Variants in NOX5 observed in about 807,000 individuals in gnomAD.
NOX5 encodes the protein NADPH oxidase, EF-hand calcium binding domain 5.
A neutral mutation model predicts 85.7 loss-of-function variants in NOX5; 76 were observed. The observed-to-expected ratio is 0.89, with a 90% CI of 0.74 to 1.07. The LOEUF (loss-of-function observed/expected upper bound fraction) is 1.07, where lower values mean the gene tolerates loss of function less well. Among genes scored for constraint, NOX5 ranks in the 50% least tolerant of loss-of-function variants. The pLI, the probability that NOX5 is intolerant of heterozygous loss-of-function variation, is 0.00. For synonymous variants in NOX5, 405 were observed against 401.4 expected, an observed-to-expected ratio of 1.01 and a Z score of -0.11; for missense variants, 973 against 999.5, an observed-to-expected ratio of 0.97 and a Z score of 0.36.
rs139472034 is a variant in NOX5 at position 69,037,087 on chromosome 15, G to A, written c.1248G>A (p.Gly416=). 1 of 1,613,970 alleles carries A rather than the reference G, an allele frequency of 6.2e-7. No homozygotes were observed. The highest frequency in any genetic ancestry group is 8.5e-7 in the Non-Finnish European group (1 of 1,180,018). The change falls in exon 8 of 16, where the codon GGG becomes GGA. Residue 416 remains glycine, a synonymous_variant. Transcript: ENST00000388866. The part of the protein sequence containing the change: ...LLVWLLLIFH[G]PNFWKWLLVP... ...TGTGGCTTCTGCTCATCTTTCATGG[G>A]CCCAACTTCTGGAAGTGGCTGCTGG...
Position 69,037,021 on chromosome 15 carries a change from C to T in NOX5, c.1189-7C>T. On this transcript the variant is annotated splice_polypyrimidine_tract_variant and splice_region_variant and intron_variant, in intron 7 of 15. Coordinates refer to ENST00000388866, the MANE Select transcript of NOX5 (RefSeq NM_024505.4). ...CTGGAAGTTGACTGCCCCCCCTACC[C>T]CCATAGGTGTTCTATTGGACTCACC... 1 of 1,613,062 alleles carries T rather than the reference C, an allele frequency of 6.2e-7. No homozygotes were observed. Among genetic ancestry groups the T allele is most frequent in the Non-Finnish European group, 8.5e-7 (1 of 1,179,746 alleles).
In NOX5 at chr15:69,033,220, C is replaced by T. The variant is rs770586168; in HGVS notation, c.798C>T (p.Ser266=). 5.0e-6 allele frequency: 8 copies of T among 1,597,628 alleles called. No individual in the cohort carries two copies. The highest frequency in any genetic ancestry group is 1.7e-5 in the Admixed American group (1 of 59,742). The change falls in exon 5 of 16, where the codon AGC becomes AGT. Residue 266 remains serine (S), a synonymous_variant. Transcript: ENST00000388866. ...AASAHRDLGA[S]VMVAKGCGQC... ...GCGCGCACCGGGACCTCGGCGCCAG[C>T]GTCATGGTGGCCAAGGGCTGCGGCC...
intron 9 of NOX5, among the ~76,000 whole-genome samples, chr15:69,042,093 C>T (rs1413176622): frequency 1.3e-5 from 2 of 150,850 alleles, no homozygotes; most frequent in Non-Finnish European, 3.0e-5. Context: ...AGGAAAAGGG[C>T]AAGAGTTCAA....
intron 14 of NOX5, among the ~76,000 whole-genome samples, chr15:69,053,472 G>A (rs2050774121): frequency 1.3e-5 from 2 of 152,148 alleles, no homozygotes; most frequent in South Asian, 4.1e-4. Context: ...TTTAATAAAA[G>A]TAGTAGTAGT....
intron 8 of NOX5, chr15:69,037,640 C>A: frequency 6.3e-6 from 1 of 159,134 alleles, no homozygotes; most frequent in Non-Finnish European, 1.4e-5. Context: ...GAAAAAGCTT[C>A]AGAATAAGGG....
At position 69,057,554 on chromosome 15, in the gene NOX5, G is replaced by A. The variant is rs187082002; in HGVS notation, c.*858G>A. On this transcript the variant is annotated 3_prime_UTR_variant, in exon 16 of 16. Transcript: ENST00000388866. Reference sequence around the variant, plus strand: ...CTTCCTTCTCTCTGTGTGCTGAGTCGCTTGAGAAACAGGATGGAGACAGCC... The same window carrying A: ...CTTCCTTCTCTCTGTGTGCTGAGTCACTTGAGAAACAGGATGGAGACAGCC... 1.2e-4 allele frequency: 18 copies of A among 152,234 alleles called. No individual in the cohort carries two copies. In the East Asian group the frequency reaches 1.9e-3, roughly 16 times the overall value. The allele number at this position is 152,234 out of a possible 1,614,324, so 9.4% of individuals were successfully genotyped here.
intron 1 of NOX5, among the ~76,000 whole-genome samples, 180 bp downstream of exon 1, chr15:69,014,965 T>C (rs1365920263): frequency 6.6e-6 from 1 of 152,218 alleles, no homozygotes; most frequent in Non-Finnish European, 1.5e-5. Context: ...ACCAGCCCTC[T>C]CTGGGTCTGT....
At chr15:69,047,341 G>A in intron 11 of NOX5, 72 bp from the exon 12 acceptor site, 1 of 1,486,828 alleles carries the variant, frequency 6.7e-7, no homozygotes, top group Non-Finnish European at 8.9e-7. Context: ...GAAGCCCTGG[G>A]GACATCCCCT....
chr15:69,037,014 C>A lies in NOX5; in HGVS notation c.1189-14C>A. On this transcript the variant is annotated splice_polypyrimidine_tract_variant and intron_variant, in intron 7 of 15. Transcript: ENST00000388866. ...TTGAGCTCTGGAAGTTGACTGCCCCCCCTACCCCCATAGGTGTTCTATTGG... is the reference window on the plus strand; with the variant it reads ...TTGAGCTCTGGAAGTTGACTGCCCCACCTACCCCCATAGGTGTTCTATTGG... The A allele has an allele frequency of 1.9e-6, 3 of 1,611,988 alleles. No homozygotes were observed. In the South Asian group the frequency reaches 3.3e-5, roughly 18 times the overall value.
At position 69,026,536 on chromosome 15, in the gene NOX5, G is replaced by C. The variant is rs756640630; in HGVS notation, c.59G>C (p.Ser20Thr). The C allele has an allele frequency of 6.2e-7, 1 of 1,614,080 alleles. No homozygotes were observed. The highest frequency in any genetic ancestry group is 1.3e-5 in the African/African-American group (1 of 74,942). Residue 20 changes from serine to threonine, a missense_variant, in exon 2 of 16, where the codon AGT becomes ACT. Transcript: ENST00000388866. ...TTTCCTTTGCCTCCCAGCACCATGA[G>C]TGCCGAGGAGGATGCCAGGTGGCTC... ...TGPEGCRGTM[S>T]AEEDARWLRW...
rs2050795693 is a variant in NOX5, at chr15:69,055,216, G to A, written c.2000-118G>A. 2.7e-6 allele frequency: 3 copies of A among 1,113,980 alleles called. No homozygotes were observed. The South Asian group carries it at 4.9e-5, about 18-fold the overall frequency. 69.0% of individuals were successfully genotyped at this position (1,113,980 alleles called of 1,614,324 possible). ...TGGCACTGGTTACACAACAGATCCT[G>A]GGCAAAAGACCTATGGGTCTCCTTC... On this transcript the variant is annotated intron_variant, in intron 14 of 15. Transcript: ENST00000388866.
At position 69,058,801 on chromosome 15, in the gene NOX5, T is replaced by A. The variant is rs1407322947; in HGVS notation, c.*2105T>A. ...CTGTTGAGTCTGTACTTTCCCCTCT[T>A]CATCAGGCTTGGGAAGGCTTGGACA... On this transcript the variant is annotated 3_prime_UTR_variant, in exon 16 of 16. Coordinates refer to ENST00000388866, the MANE Select transcript of NOX5 (RefSeq NM_024505.4). 6.6e-6 allele frequency: 1 copy of A among 152,252 alleles called. No individual in the cohort carries two copies. Among genetic ancestry groups the A allele is most frequent in the African/African-American group, 2.4e-5 (1 of 41,458 alleles). 9.4% of individuals were successfully genotyped at this position (152,252 alleles called of 1,614,324 possible).
rs1056800277 is a variant in NOX5, at chr15:69,043,770, C to T, written c.1647+965C>T. 2.0e-5 allele frequency among the ~76,000 whole-genome samples: 3 copies of T among 152,288 alleles called. No homozygotes were observed. In the East Asian group the frequency reaches 5.8e-4, roughly 29 times the overall value. On this transcript the variant is annotated intron_variant, in intron 10 of 15. Coordinates refer to ENST00000388866, the MANE Select transcript of NOX5 (RefSeq NM_024505.4). The stretch of plus-strand genomic sequence containing the variant: ...ACTAAAAGCTGTTTTCTTGGGACCT[C>T]AGTCACCTCTGCCACTATAAATTGG...
intron 1 of NOX5, among the ~76,000 whole-genome samples, chr15:69,024,446 A>G (rs1699221): frequency 0.5 from 76,234 of 151,676 alleles, 20,024 homozygotes; most frequent in Non-Finnish European, 0.59. Flanking sequence ...GCTCTGTCCC[A>G]CCTTGGTTCA....
intron 1 of NOX5, among the ~76,000 whole-genome samples, 196 bp from the exon 2 acceptor site, chr15:69,026,332 G>A (rs2050357053): frequency 6.6e-6 from 1 of 152,208 alleles, no homozygotes; most frequent in Non-Finnish European, 1.5e-5. Context: ...CAGGATAAGA[G>A]GAAGAGACTG....
At chr15:69,050,880 C>G (rs577734354) in intron 14 of NOX5, among the ~76,000 whole-genome samples, 1 of 152,180 alleles carries the variant, frequency 6.6e-6, no homozygotes, top group African/African-American at 2.4e-5. Flanking sequence ...GCGCTATATA[C>G]GGCAAAGCCT....
At chr15:69,047,345 A>T in intron 11 of NOX5, 68 bp from the exon 12 acceptor site, 4 of 1,482,082 alleles carry the variant, frequency 2.7e-6, no homozygotes, top group Non-Finnish European at 3.6e-6. Context: ...CCCTGGGGAC[A>T]TCCCCTGGTA....
chr15:69,019,208 C>T (rs564133612), intron 1 of NOX5, among the ~76,000 whole-genome samples: 16 of 152,190 alleles, frequency 1.1e-4, no homozygotes, highest in Non-Finnish European at 1.6e-4. Flanking sequence ...GAGGTACTCC[C>T]TCCTCCTCCC....
At chr15:69,029,503 G>A (rs542462950) in intron 3 of NOX5, 33 of 152,144 alleles carry the variant, frequency 2.2e-4, no homozygotes, top group African/African-American at 6.0e-4. Flanking sequence ...CAATTCTTCC[G>A]GGTATATATC....
Sources: allele counts gnomAD v4.1 joint callset (sites outside exome capture counted in the v4.1 genomes callset), GRCh38; gene constraint gnomAD v4.1.1; transcripts MANE v1.5; gene names NCBI Gene and HGNC (gene_info 2026-07-23, HGNC 2026-07-21).